The following VPS54 variants were observed in gnomAD, a reference collection of about 807,000 sequenced individuals.
VPS54 encodes the protein VPS54 subunit of GARP complex, also known as vacuolar protein sorting-associated protein 54.
VPS54 carries 45 observed loss-of-function variants against 121.5 expected under a neutral mutation model. That is an observed-to-expected ratio of 0.37 (90% CI 0.29 to 0.47). The LOEUF (loss-of-function observed/expected upper bound fraction) is 0.47. Ranked by LOEUF, VPS54 falls within the 20% of genes least tolerant of loss-of-function variation. The pLI, the probability that VPS54 is intolerant of heterozygous loss-of-function variation, is 0.99. For missense variants in VPS54, 1,090 were observed against 1,131.4 expected (o/e 0.96, Z 0.52); for synonymous variants, 371 against 385.8 (o/e 0.96, Z 0.45).
chr2:63,908,632 C>CATGT (rs1673007361), intron 20 of VPS54, among the ~76,000 whole-genome samples: 1 of 152,202 alleles, frequency 6.6e-6, no homozygotes, highest in African/African-American at 2.4e-5. Context: ...ATCTCCCACT[C>CATGT]ATGTGTGCCC....
At chr2:63,964,830 C>A (rs1486041820) in intron 6 of VPS54, among the ~76,000 whole-genome samples, 2 of 152,146 alleles carry the variant, frequency 1.3e-5, no homozygotes, top group Non-Finnish European at 2.9e-5. Context: ...AAAACAAAAT[C>A]ACTACTTCTC....
chr2:64,006,591 G>A (rs933778907), intron 1 of VPS54, among the ~76,000 whole-genome samples: 3 of 152,088 alleles, frequency 2.0e-5, no homozygotes, highest in African/African-American at 7.2e-5. Flanking sequence ...GTACATAGTA[G>A]ACATTCAATA....
At chr2:63,897,365 C>T in intron 22 of VPS54, 131 bp downstream of exon 22, 1 of 609,090 alleles carries the variant, frequency 1.6e-6, no homozygotes, top group South Asian at 2.2e-5. Flanking sequence ...AAAAAAAACA[C>T]AAAAGCTTGC....
intron 4 of VPS54, among the ~76,000 whole-genome samples, chr2:63,970,313 A>ATATATAGATATATATAGATATATATATAT (rs1312969372): frequency 1.3e-5 from 2 of 148,290 alleles, no homozygotes; most frequent in African/African-American, 5.0e-5. Context: ...AGATATAGAT[A>ATATATAGATATATATAGATATATATATAT]AAACCCAGGC....
At chr2:63,995,120 G>A (rs1384374934) in intron 1 of VPS54, among the ~76,000 whole-genome samples, 1 of 152,092 alleles carries the variant, frequency 6.6e-6, no homozygotes, top group African/African-American at 2.4e-5. Context: ...GCAAGTATGG[G>A]AAGGGGAAAC....
intron 1 of VPS54, among the ~76,000 whole-genome samples, chr2:63,995,160 C>G (rs1262804587): frequency 6.6e-6 from 1 of 152,208 alleles, no homozygotes; most frequent in Non-Finnish European, 1.5e-5. Flanking sequence ...GCTACCGTCC[C>G]CCTCTCTCAC....
rs994324831 is a variant in VPS54, at chr2:63,913,108, A to G, written c.2422+115T>C. ...AAAAGAGTAAGTAGCATTTATTTTT[A>G]GAGTAATGCCACTTTGGTTAGAGCC... On this transcript the variant is annotated intron_variant, in intron 18 of 22. Transcript: ENST00000272322. The G allele has an allele frequency of 2.6e-5, 21 of 797,370 alleles. No individual in the cohort carries two copies. The East Asian group carries it at 5.7e-4, about 22-fold the overall frequency. 49.4% of individuals were successfully genotyped at this position (797,370 alleles called of 1,614,324 possible).
At chr2:63,970,270 T>TATAG (rs1304526322) in intron 4 of VPS54, among the ~76,000 whole-genome samples, 4 of 142,844 alleles carry the variant, frequency 2.8e-5, no homozygotes, top group Non-Finnish European at 6.0e-5. Context: ...TATAGATATA[T>TATAG]ATAGATATAT....
At position 63,947,502 on chromosome 2, in the gene VPS54, A is replaced by G. The variant is rs766277841; in HGVS notation, c.1138-12T>C. ...GATATTAGTCTTTCCTGTTAAAATAAAAGTATGTAACTTGACATTTTAAAT... is the reference window on the plus strand; with the variant it reads ...GATATTAGTCTTTCCTGTTAAAATAGAAGTATGTAACTTGACATTTTAAAT... On this transcript the variant is annotated splice_polypyrimidine_tract_variant and intron_variant, in intron 8 of 22. Coordinates refer to ENST00000272322, the MANE Select transcript of VPS54 (RefSeq NM_016516.3). 7.5e-6 allele frequency: 11 copies of G among 1,469,138 alleles called. No individual in the cohort carries two copies. In the South Asian group the frequency reaches 9.9e-5, roughly 13 times the overall value. The allele number at this position is 1,469,138 out of a possible 1,614,324, so 91.0% of individuals were successfully genotyped here.
intron 12 of VPS54, among the ~76,000 whole-genome samples, chr2:63,925,883 G>C (rs142570158): frequency 2.6e-5 from 4 of 152,286 alleles, no homozygotes; most frequent in African/African-American, 7.2e-5. Context: ...GTTCTTGAGG[G>C]GGGTGACAAT....
At chr2:63,917,070 G>C in intron 15 of VPS54, 107 bp from the exon 16 acceptor site, 1 of 1,048,670 alleles carries the variant, frequency 9.5e-7, no homozygotes, top group South Asian at 1.4e-5. Context: ...TCTCATTTCT[G>C]AAAATAAACA....
At chr2:63,978,623 T>C (rs1263907778) in intron 3 of VPS54, among the ~76,000 whole-genome samples, 1 of 152,174 alleles carries the variant, frequency 6.6e-6, no homozygotes, top group Non-Finnish European at 1.5e-5. Context: ...TTTCTATTTC[T>C]TTTTGTTTTG....
chr2:63,912,530 GA>G lies in VPS54; in HGVS notation c.2544+9del, dbSNP rs772285527. ...TATGAAACGCCAATAGAAAATATATGAAAAAGTACCTTAGTGATATGATCAA... is the reference window on the plus strand; with the variant it reads ...TATGAAACGCCAATAGAAAATATATGAAAAGTACCTTAGTGATATGATCAA... On this transcript the variant is annotated intron_variant, in intron 19 of 22. Transcript: ENST00000272322. The G allele has an allele frequency of 1.2e-6, 2 of 1,611,276 alleles. No individual in the cohort carries two copies. The highest frequency in any genetic ancestry group is 1.7e-5 in the Admixed American group (1 of 59,238).
intron 15 of VPS54, among the ~76,000 whole-genome samples, chr2:63,918,038 G>C (rs939949137): frequency 4.6e-5 from 7 of 151,982 alleles, no homozygotes; most frequent in Non-Finnish European, 8.8e-5. Context: ...ATGCCTAGCT[G>C]AGTGGATAGT....
intron 12 of VPS54, 53 bp downstream of exon 12, chr2:63,933,620 A>G (rs1674316400): frequency 6.7e-7 from 1 of 1,497,072 alleles, no homozygotes; most frequent in Non-Finnish European, 9.1e-7. Context: ...TACTGAATCC[A>G]TTAATAAGAT....
chr2:63,964,236 T>C (rs1675889177), intron 6 of VPS54, among the ~76,000 whole-genome samples: 1 of 152,140 alleles, frequency 6.6e-6, no homozygotes. Flanking sequence ...GCAAATCTGA[T>C]TCTGCAATTT....
chr2:63,943,125 T>C (rs564394368), intron 10 of VPS54, among the ~76,000 whole-genome samples: 2 of 152,244 alleles, frequency 1.3e-5, no homozygotes, highest in African/African-American at 4.8e-5. Context: ...TATGAGTTAA[T>C]AAAAAATACT....
intron 1 of VPS54, among the ~76,000 whole-genome samples, chr2:63,989,673 G>C (rs115835811): frequency 0.013 from 2,029 of 152,252 alleles, 59 homozygotes; most frequent in African/African-American, 0.046. Flanking sequence ...CTGACAACTG[G>C]TGAGTAGTCT....
In VPS54 at chr2:63,912,544, G is replaced by A. The variant is rs1673196153; in HGVS notation, c.2540C>T (p.Thr847Ile). 2 of 1,611,768 alleles carry A rather than the reference G, an allele frequency of 1.2e-6. No homozygotes were observed. The highest frequency in any genetic ancestry group is 1.7e-5 in the Admixed American group (1 of 59,340). Reference sequence around the variant, plus strand: ...AGAAAATATATGAAAAAGTACCTTAGTGATATGATCAAAATGCCTAAGCAT... The same window carrying A: ...AGAAAATATATGAAAAAGTACCTTAATGATATGATCAAAATGCCTAAGCAT... ...YSMLRHFDHI[T>I]KDYHDHIAEI... Residue 847 changes from threonine (T) to isoleucine (I), a missense_variant, in exon 19 of 23, where the codon ACT (threonine) becomes ATT (isoleucine). By Grantham distance (89) the Thr-to-Ile change is moderately conservative. This residue lies in a region of VPS54 where 289 missense variants were observed against 374.4 expected (regional missense o/e 0.77). Transcript: ENST00000272322.
Sources: gnomAD v4.1 joint callset for allele counts (sites outside exome capture counted in the v4.1 genomes callset) on GRCh38, gnomAD v4.1.1 for gene constraint, gnomAD v4.1.1 regional missense constraint, MANE v1.5 for transcripts, NCBI Gene and HGNC (gene_info 2026-07-23, HGNC 2026-07-21) for gene names.